SEPTIN5: variants seen among roughly 807,000 people sequenced by gnomAD.
SEPTIN5 encodes the protein septin 5, also known as septin-5.
In SEPTIN5, 16 loss-of-function variants were observed where a neutral mutation model predicts 51.2. The ratio of observed to expected loss-of-function variants is 0.31; its 90% CI spans 0.21 to 0.47. The LOEUF (loss-of-function observed/expected upper bound fraction) is 0.47. Among genes scored for constraint, SEPTIN5 ranks in the 20% least tolerant of loss-of-function variants. The probability of loss-of-function intolerance (pLI) is 0.99; values close to 1 mark genes in which losing one functional copy is unlikely to be tolerated. For synonymous variants in SEPTIN5, 208 were observed against 191.2 expected, an observed-to-expected ratio of 1.09 and a Z score of -0.72; for missense variants, 376 against 500.3, an observed-to-expected ratio of 0.75 and a Z score of 2.37.
At chr22:19,719,467 T>A in intron 2 of SEPTIN5, 135 bp from the exon 3 acceptor site, 1 of 700,462 alleles carries the variant, frequency 1.4e-6, no homozygotes, top group Non-Finnish European at 2.3e-6. Context: ...GCCCTCCCCT[T>A]ATTTTTGCCA....
intron 2 of SEPTIN5, chr22:19,719,060 G>A (rs923882994): frequency 2.6e-6 from 1 of 386,300 alleles, no homozygotes; most frequent in Non-Finnish European, 4.4e-6. Context: ...GGCCCCAAGG[G>A]TCTGCGGGGG....
chr22:19,714,664 C>A lies in SEPTIN5; in HGVS notation c.43+33C>A, dbSNP rs1568993410. 2 of 1,512,928 alleles carry A rather than the reference C, an allele frequency of 1.3e-6. No individual in the cohort carries two copies. Among genetic ancestry groups the A allele is most frequent in the Admixed American group, 2.1e-5 (1 of 48,334 alleles). The allele number at this position is 1,512,928 out of a possible 1,614,324, so 93.7% of individuals were successfully genotyped here. A position where few individuals can be genotyped will look rare whatever the true frequency, so the allele number is the denominator to read the frequency against. ...CAGCGCCTGCCCGCGTGCCCGCGCG[C>A]GCCTTTGTCCCCGCCGCCCGCGCGC... On this transcript the variant is annotated intron_variant, in intron 1 of 11. Transcript: ENST00000455784. This position sits in a 1 kb window ranked among gnomAD's most constrained non-coding sequence, Gnocchi z 5.2.
In SEPTIN5 at chr22:19,722,285, G is replaced by T. The variant is rs759084605; in HGVS notation, c.999G>T (p.Pro333=). The T allele has an allele frequency of 1.2e-6, 2 of 1,611,354 alleles. No individual in the cohort carries two copies. Among genetic ancestry groups the T allele is most frequent in the Non-Finnish European group, 1.7e-6 (2 of 1,179,406 alleles). Residue 333 remains proline, a synonymous_variant, in exon 11 of 12, where the codon CCG becomes CCT. Coordinates refer to ENST00000455784, the MANE Select transcript of SEPTIN5 (RefSeq NM_002688.6). The part of the protein sequence containing the change: ...SRMESPIPIL[P]LPTPDAETEK... Reference sequence around the variant, plus strand: ...TGGAGAGCCCCATCCCGATCCTGCCGCTGCCCACCCCGGACGCCGAGACTG... The same window carrying T: ...TGGAGAGCCCCATCCCGATCCTGCCTCTGCCCACCCCGGACGCCGAGACTG...
intron 2 of SEPTIN5, chr22:19,717,471 A>T (rs902857916): frequency 1.3e-5 from 5 of 397,874 alleles, no homozygotes; most frequent in Non-Finnish European, 2.6e-5. Flanking sequence ...GGGCAAGGGA[A>T]TGTCCACAGA....
rs933187322 is a variant in SEPTIN5 at position 19,718,726 on chromosome 22, G to T, written c.55-876G>T. On this transcript the variant is annotated intron_variant, in intron 2 of 11. Coordinates refer to ENST00000455784, the MANE Select transcript of SEPTIN5 (RefSeq NM_002688.6). ...GTCCGAGCGTGCCCCCGGGCCTGGG[G>T]GGGTCGCCGCGATGGACTCGCTGGC... is the stretch of plus-strand genomic sequence containing the variant. 17 of 1,246,330 alleles carry T rather than the reference G, an allele frequency of 1.4e-5. No individual in the cohort carries two copies. In the East Asian group the frequency reaches 5.2e-4, roughly 38 times the overall value. The allele number at this position is 1,246,330 out of a possible 1,614,324, so 77.2% of individuals were successfully genotyped here.
At chr22:19,722,046 A>G in intron 10 of SEPTIN5, 89 bp downstream of exon 10, 3 of 1,501,302 alleles carry the variant, frequency 2.0e-6, no homozygotes, top group South Asian at 2.5e-5. Context: ...GCCCACCCAG[A>G]CTTGAACTTT....
Position 19,718,694 on chromosome 22 carries a change from G to T in SEPTIN5, c.55-908G>T, listed in dbSNP as rs761359298. On this transcript the variant is annotated intron_variant, in intron 2 of 11. Coordinates refer to ENST00000455784, the MANE Select transcript of SEPTIN5 (RefSeq NM_002688.6). ...CGCCGGGCTCTGGCGGCCTGACCGG[G>T]CCTGGGGTCCGAGCGTGCCCCCGGG... is the stretch of plus-strand genomic sequence containing the variant. The T allele has an allele frequency of 4.0e-5, 51 of 1,271,384 alleles. No individual in the cohort carries two copies. In the African/African-American group the frequency reaches 6.7e-4, roughly 17 times the overall value. The allele number at this position is 1,271,384 out of a possible 1,614,324, so 78.8% of individuals were successfully genotyped here.
At chr22:19,716,377 G>A (rs779853154) in intron 2 of SEPTIN5, among the ~76,000 whole-genome samples, 5 of 152,214 alleles carry the variant, frequency 3.3e-5, no homozygotes, top group East Asian at 1.9e-4. Context: ...GGGGAGTTCC[G>A]TCACTACGCT....
In SEPTIN5 at chr22:19,720,211, T is replaced by G; in HGVS notation, c.335T>G (p.Phe112Cys). The change falls in exon 5 of 12, where the codon TTC becomes TGC. Residue 112 changes from phenylalanine (F) to cysteine (C), a missense_variant. Physicochemically the swap from Phe to Cys is radical, Grantham distance 205. Coordinates refer to ENST00000455784, the MANE Select transcript of SEPTIN5 (RefSeq NM_002688.6). ...LKLTIVDTPG[F>C]GDAVNNTECW... ...CTCACCATCGTGGACACGCCGGGAT[T>G]CGGGGACGCTGTCAACAACACCGAG... 1 of 1,613,542 alleles carries G rather than the reference T, an allele frequency of 6.2e-7. No individual in the cohort carries two copies. The highest frequency in any genetic ancestry group is 8.5e-7 in the Non-Finnish European group (1 of 1,180,006).
In SEPTIN5 at chr22:19,722,128, C is replaced by T. The variant is rs1936053181; in HGVS notation, c.951-109C>T. On this transcript the variant is annotated intron_variant, in intron 10 of 11. Transcript: ENST00000455784. ...AGAACCAAGTCCAGGGCTGTGAGGGCTCCGGAGGGCAGGGCCTCAGCAGTG... is the reference window on the plus strand; with the variant it reads ...AGAACCAAGTCCAGGGCTGTGAGGGTTCCGGAGGGCAGGGCCTCAGCAGTG... 6 of 1,199,018 alleles carry T rather than the reference C, an allele frequency of 5.0e-6. No homozygotes were observed. In the Admixed American group the frequency reaches 7.6e-5, roughly 15 times the overall value. The allele number at this position is 1,199,018 out of a possible 1,614,324, so 74.3% of individuals were successfully genotyped here. A position where few individuals can be genotyped will look rare whatever the true frequency, so the allele number is the denominator to read the frequency against.
intron 10 of SEPTIN5, 22 bp from the exon 11 acceptor site, chr22:19,722,215 T>TCCGCCCC: frequency 1.0e-6 from 1 of 1,001,534 alleles, no homozygotes; most frequent in Non-Finnish European, 1.5e-6. Flanking sequence ...GCCCCGCCCA[T>TCCGCCCC]CCTCCCCCCC....
At chr22:19,717,885 TAC>T (rs201895332) in intron 2 of SEPTIN5, 49 of 165,030 alleles carry the variant, frequency 3.0e-4, no homozygotes, top group East Asian at 1.1e-3. Context: ...ACACACACAT[TAC>T]ACACACACAC....
chr22:19,720,793 G>A lies in SEPTIN5; in HGVS notation c.641G>A (p.Gly214Glu), dbSNP rs1478418992. 1 of 1,613,706 alleles carries A rather than the reference G, an allele frequency of 6.2e-7. No individual in the cohort carries two copies. Among genetic ancestry groups the A allele is most frequent in the Non-Finnish European group, 8.5e-7 (1 of 1,179,988 alleles). ...ATCCGGGAGGAGATTGACAAGTTTG[G>A]GATCCATGTATACCAGTTCCCTGAG... is the stretch of plus-strand genomic sequence containing the variant. ...ERIREEIDKF[G>E]IHVYQFPECD... The change falls in exon 8 of 12, where the codon GGG (glycine) becomes GAG (glutamate). Residue 214 changes from glycine (G) to glutamate (E), a missense_variant. By Grantham distance (98) the Gly-to-Glu change is moderately conservative. Transcript: ENST00000455784.
chr22:19,720,978 A>C, intron 8 of SEPTIN5, 109 bp downstream of exon 8: 1 of 913,902 alleles, frequency 1.1e-6, no homozygotes, highest in Non-Finnish European at 1.8e-6. Flanking sequence ...AGGTCAGCCC[A>C]GTTGGGTGCA....
rs1936060426 is a variant in SEPTIN5, at chr22:19,722,337, G to A, written c.1051G>A (p.Glu351Lys). 4 of 1,609,756 alleles carry A rather than the reference G, an allele frequency of 2.5e-6. No individual in the cohort carries two copies. The highest frequency in any genetic ancestry group is 2.7e-5 in the African/African-American group (2 of 74,870). The change falls in exon 11 of 12, where the codon GAA becomes AAA. Residue 351 changes from glutamate (E) to lysine (K), a missense_variant and splice_region_variant. This residue lies in a region of SEPTIN5 where 89 missense variants were observed against 83.3 expected (regional missense o/e 1.07). Transcript: ENST00000455784. Reference sequence around the variant, plus strand: ...GAAGCTTATCAGGATGAAGGATGAGGAAGTATGTGGGGCGGCGGGGGCGGC... The same window carrying A: ...GAAGCTTATCAGGATGAAGGATGAGAAAGTATGTGGGGCGGCGGGGGCGGC... ...TEKLIRMKDEELRRMQEMLQR... is the reference protein window; with the variant it reads ...TEKLIRMKDEKLRRMQEMLQR...
intron 10 of SEPTIN5, 65 bp downstream of exon 10, chr22:19,722,022 G>A (rs1936049442): frequency 6.4e-7 from 1 of 1,551,962 alleles, no homozygotes; most frequent in Non-Finnish European, 8.7e-7. Context: ...CATAACTGAG[G>A]GCCGGTCCTG....
chr22:19,721,440 G>C (rs1386192023), intron 8 of SEPTIN5, among the ~76,000 whole-genome samples, 200 bp from the exon 9 acceptor site: 1 of 152,216 alleles, frequency 6.6e-6, no homozygotes, highest in Admixed American at 6.5e-5. Flanking sequence ...AGCCTGGAAA[G>C]GCCCTGGAAT....
chr22:19,722,364 G>T, intron 11 of SEPTIN5, 25 bp downstream of exon 11: 1 of 1,598,396 alleles, frequency 6.3e-7, no homozygotes, highest in Non-Finnish European at 8.5e-7. Flanking sequence ...GGGGGCGGCG[G>T]AGGCGGGCGT....
intron 2 of SEPTIN5, among the ~76,000 whole-genome samples, chr22:19,716,052 G>C (rs544994086): frequency 1.3e-5 from 2 of 152,366 alleles, no homozygotes; most frequent in Admixed American, 1.3e-4. Context: ...AGCCACTGCT[G>C]TTGGGTGCAG....
Sources: gnomAD v4.1 joint callset for allele counts (sites outside exome capture counted in the v4.1 genomes callset) on GRCh38, gnomAD v4.1.1 for gene constraint, gnomAD v4.1.1 regional missense constraint, Gnocchi (gnomAD v3.1) non-coding constraint, MANE v1.5 for transcripts, NCBI Gene and HGNC (gene_info 2026-07-23, HGNC 2026-07-21) for gene names.